Variants in RUNX2 observed in about 807,000 individuals in gnomAD.
The protein encoded by RUNX2 is RUNX family transcription factor 2, also known as runt-related transcription factor 2.
A neutral mutation model predicts 51.7 loss-of-function variants in RUNX2; 10 were observed. That is an observed-to-expected ratio of 0.19 (90% CI 0.12 to 0.33). The LOEUF is 0.33. Among genes scored for constraint, RUNX2 ranks in the 10% least tolerant of loss-of-function variants. The pLI, the probability that RUNX2 is intolerant of heterozygous loss-of-function variation, is 1.00. For missense variants in RUNX2, 562 were observed against 691.3 expected, an observed-to-expected ratio of 0.81 and a Z score of 2.10; for synonymous variants, 276 against 273.6, an observed-to-expected ratio of 1.01 and a Z score of -0.09.
intron 3 of RUNX2, among the ~76,000 whole-genome samples, chr6:45,428,703 C>G (rs114993117): frequency 1.3e-5 from 2 of 152,008 alleles, no homozygotes; most frequent in Admixed American, 1.3e-4. Flanking sequence ...TCTTAGGGAT[C>G]TTTTCTTTCA....
chr6:45,522,456 T>C (rs954000914), intron 7 of RUNX2, among the ~76,000 whole-genome samples: 1 of 152,226 alleles, frequency 6.6e-6, no homozygotes, highest in African/African-American at 2.4e-5. Flanking sequence ...AACAATCCCA[T>C]TCAGCTCAGA....
chr6:45,332,531 T>C (rs1787724718), intron 2 of RUNX2, among the ~76,000 whole-genome samples: 1 of 151,830 alleles, frequency 6.6e-6, no homozygotes, highest in Non-Finnish European at 1.5e-5. Context: ...TCTTCCATAC[T>C]GTTCTAACCT....
chr6:45,478,331 GGTTTTACCTGT>G (rs1418124727), intron 5 of RUNX2, among the ~76,000 whole-genome samples: 2 of 152,146 alleles, frequency 1.3e-5, no homozygotes, highest in African/African-American at 4.8e-5. Context: ...TTTGCATAGT[GGTTTTACCTGT>G]GTAGGACATT....
At chr6:45,433,047 G>A (rs950694414) in intron 4 of RUNX2, among the ~76,000 whole-genome samples, 1 of 152,106 alleles carries the variant, frequency 6.6e-6, no homozygotes, top group Non-Finnish European at 1.5e-5. Flanking sequence ...TATTACCATT[G>A]TAAAAACTTG....
chr6:45,405,783 G>A (rs374727209), intron 2 of RUNX2, among the ~76,000 whole-genome samples: 23 of 149,686 alleles, frequency 1.5e-4, no homozygotes, highest in Middle Eastern at 3.4e-3. Flanking sequence ...GTGAAAATCC[G>A]TCTCAAAAAA....
At chr6:45,458,998 C>T (rs1196564030) in intron 5 of RUNX2, among the ~76,000 whole-genome samples, 1 of 152,182 alleles carries the variant, frequency 6.6e-6, no homozygotes, top group Non-Finnish European at 1.5e-5. Flanking sequence ...TTGCCTTCTT[C>T]CTTCCCCTCT....
chr6:45,394,948 A>G (rs1332675343), intron 2 of RUNX2, among the ~76,000 whole-genome samples: 1 of 152,082 alleles, frequency 6.6e-6, no homozygotes, highest in African/African-American at 2.4e-5. Flanking sequence ...AAACTCAGGA[A>G]TGGGTGTGTG....
rs558787918 is a variant in RUNX2, at chr6:45,532,593, G to A, written c.1022-12624G>A. Among the ~76,000 whole-genome samples the A allele has an allele frequency of 3.3e-5, 5 of 152,130 alleles. No individual in the cohort carries two copies. In the East Asian group the frequency reaches 9.7e-4, roughly 29 times the overall value. ...TCCATGGCCATTGTGACCTGAAGAA[G>A]AAGAAAAAAAATGAACCACCAATGA... On this transcript the variant is annotated intron_variant, in intron 7 of 8. Transcript: ENST00000647337.
At chr6:45,392,243 G>C (rs539414659) in intron 2 of RUNX2, among the ~76,000 whole-genome samples, 61 of 152,268 alleles carry the variant, frequency 4.0e-4, no homozygotes, top group Admixed American at 3.3e-3. Context: ...ATTGGCTCAT[G>C]CCTGTAATCC....
chr6:45,485,632 C>T (rs1436141952), intron 5 of RUNX2, among the ~76,000 whole-genome samples: 1 of 148,708 alleles, frequency 6.7e-6, no homozygotes, highest in Non-Finnish European at 1.5e-5. Context: ...ATATCACACA[C>T]ATATATAGAT....
In RUNX2 at chr6:45,547,674, G is replaced by A; in HGVS notation, c.*369G>A. On this transcript the variant is annotated 3_prime_UTR_variant, in exon 9 of 9. Transcript: ENST00000647337. ...TGGACTCCAGGTTCAGGAGGGAGAA[G>A]AGCAAAGCCGCTTCCTCTCTGTGCT... 6.4e-6 allele frequency: 2 copies of A among 312,782 alleles called. No individual in the cohort carries two copies. The highest frequency in any genetic ancestry group is 5.8e-5 in the South Asian group (2 of 34,204). 19.4% of individuals were successfully genotyped at this position (312,782 alleles called of 1,614,324 possible). A position where few individuals can be genotyped will look rare whatever the true frequency, so the allele number is the denominator to read the frequency against.
intron 6 of RUNX2, among the ~76,000 whole-genome samples, chr6:45,503,495 T>C (rs1800859416): frequency 6.6e-6 from 1 of 152,184 alleles, no homozygotes; most frequent in South Asian, 2.1e-4. Context: ...TCAGCCTGAT[T>C]TGAACCTGAA....
rs190947615 is a variant in RUNX2 at position 45,492,587 on chromosome 6, T to C, written c.859+473T>C. Among the ~76,000 whole-genome samples, 340 of 152,348 alleles carry C rather than the reference T, an allele frequency of 2.2e-3. 2 individuals carry two copies. The highest frequency in any genetic ancestry group is 6.4e-3 in the African/African-American group (267 of 41,590). On this transcript the variant is annotated intron_variant, in intron 6 of 8. Coordinates refer to ENST00000647337, the MANE Select transcript of RUNX2 (RefSeq NM_001024630.4). ...ATTGGTAGTTATAAGGCAAGGTCAA[T>C]GTGTGGCTCATCGGGCACACAGAAT... is the stretch of plus-strand genomic sequence containing the variant.
intron 2 of RUNX2, among the ~76,000 whole-genome samples, chr6:45,408,216 A>G (rs1410438383): frequency 6.6e-6 from 1 of 150,796 alleles, no homozygotes; most frequent in Non-Finnish European, 1.5e-5. Context: ...CCCAGGCTGG[A>G]GTGTAGTGGC....
intron 2 of RUNX2, among the ~76,000 whole-genome samples, chr6:45,337,894 T>C (rs1285670190): frequency 6.6e-6 from 1 of 152,130 alleles, no homozygotes; most frequent in South Asian, 2.1e-4. Flanking sequence ...AAAAAGTATA[T>C]TTAAGTAAAT....
At chr6:45,447,049 A>G (rs1799020872) in intron 5 of RUNX2, among the ~76,000 whole-genome samples, 4 of 152,266 alleles carry the variant, frequency 2.6e-5, no homozygotes, top group Admixed American at 2.6e-4. Context: ...GCTTAAACCC[A>G]AGCACCCCTG....
chr6:45,438,585 T>C (rs768859968), intron 5 of RUNX2, among the ~76,000 whole-genome samples: 1 of 152,212 alleles, frequency 6.6e-6, no homozygotes, highest in Non-Finnish European at 1.5e-5. Flanking sequence ...CATGCTCTAG[T>C]AATTGTTATA....
At chr6:45,533,156 G>T (rs1393902809) in intron 7 of RUNX2, among the ~76,000 whole-genome samples, 3 of 152,040 alleles carry the variant, frequency 2.0e-5, no homozygotes, top group Non-Finnish European at 4.4e-5. Context: ...GTGTGTGTGT[G>T]TGTTGAGAGG....
At chr6:45,381,119 T>C (rs1797232455) in intron 2 of RUNX2, among the ~76,000 whole-genome samples, 1 of 152,238 alleles carries the variant, frequency 6.6e-6, no homozygotes, top group Admixed American at 6.5e-5. Flanking sequence ...TGTTGCTATA[T>C]TTGTTTTCTG....
Sources: gnomAD v4.1 joint callset for allele counts (sites outside exome capture counted in the v4.1 genomes callset) on GRCh38, gnomAD v4.1.1 for gene constraint, MANE v1.5 for transcripts, NCBI Gene and HGNC (gene_info 2026-07-23, HGNC 2026-07-21) for gene names.